BABAM2: variants seen among roughly 807,000 people sequenced by gnomAD.
BABAM2 encodes BRISC and BRCA1-A complex member 2.
In BABAM2, 31 loss-of-function variants were observed where a neutral mutation model predicts 54.7. The observed-to-expected ratio is 0.57, with a 90% CI of 0.43 to 0.77. The LOEUF (loss-of-function observed/expected upper bound fraction) is 0.77, where lower values mean the gene tolerates loss of function less well. BABAM2 is among the 30% of genes least tolerant of loss of function. The pLI is 0.00. For synonymous variants in BABAM2, 167 were observed against 162.9 expected, an observed-to-expected ratio of 1.03 and a Z score of -0.19; for missense variants, 364 against 455.8, an observed-to-expected ratio of 0.80 and a Z score of 1.83.
intron 3 of BABAM2, among the ~76,000 whole-genome samples, chr2:27,949,841 C>G (rs925124351): frequency 1.3e-5 from 2 of 152,110 alleles, no homozygotes; most frequent in African/African-American, 4.8e-5. Flanking sequence ...AATTTGAATT[C>G]TAGTGCTCAT....
intron 7 of BABAM2, among the ~76,000 whole-genome samples, chr2:28,235,719 C>T (rs114733296): frequency 0.012 from 1,840 of 152,222 alleles, 44 homozygotes; most frequent in African/African-American, 0.041. Context: ...TACAGAGGCA[C>T]GATCTCGGCT....
chr2:28,199,337 A>G (rs949213794), intron 7 of BABAM2, among the ~76,000 whole-genome samples: 5 of 152,222 alleles, frequency 3.3e-5, no homozygotes, highest in Non-Finnish European at 5.9e-5. Context: ...TGGCACAGGT[A>G]AGTGCCACCT....
intron 4 of BABAM2, among the ~76,000 whole-genome samples, chr2:28,021,142 G>A (rs1162000864): frequency 6.6e-6 from 1 of 152,154 alleles, no homozygotes; most frequent in Non-Finnish European, 1.5e-5. Flanking sequence ...CTTCTCTTGT[G>A]GGAAATGCTG....
At chr2:28,280,880 G>C (rs896145688) in intron 10 of BABAM2, among the ~76,000 whole-genome samples, 1 of 152,122 alleles carries the variant, frequency 6.6e-6, no homozygotes, top group Non-Finnish European at 1.5e-5. Context: ...AGTAAGGCGG[G>C]GGGGCAGTGA....
At chr2:28,100,797 G>A (rs762911673) in intron 6 of BABAM2, among the ~76,000 whole-genome samples, 8 of 152,160 alleles carry the variant, frequency 5.3e-5, no homozygotes, top group African/African-American at 7.2e-5. Flanking sequence ...TCCATGAGGC[G>A]TAACACTGAA....
chr2:28,310,295 A>T, intron 11 of BABAM2: 2 of 814,288 alleles, frequency 2.5e-6, no homozygotes, highest in Non-Finnish European at 3.8e-6. Context: ...CAGCCTGTGC[A>T]GACCAGGCTG....
intron 11 of BABAM2, among the ~76,000 whole-genome samples, chr2:28,335,359 G>A (rs1273140861): frequency 6.6e-6 from 1 of 151,976 alleles, no homozygotes. Flanking sequence ...TAGTAGAGAC[G>A]GGGTTTCGCC....
chr2:28,168,043 C>T (rs1483927588), intron 7 of BABAM2, among the ~76,000 whole-genome samples: 2 of 152,140 alleles, frequency 1.3e-5, no homozygotes, highest in Non-Finnish European at 2.9e-5. Flanking sequence ...AGAGTTTTCG[C>T]TAATACCTGG....
chr2:28,033,396 A>G (rs1216815483), intron 5 of BABAM2, among the ~76,000 whole-genome samples: 11 of 152,178 alleles, frequency 7.2e-5, no homozygotes, highest in Admixed American at 7.2e-4. Context: ...CAGTTATAGA[A>G]GTTGAGAAGT....
At chr2:28,072,078 TG>T (rs896494407) in intron 6 of BABAM2, among the ~76,000 whole-genome samples, 25 of 152,348 alleles carry the variant, frequency 1.6e-4, no homozygotes, top group African/African-American at 6.0e-4. Context: ...TGGAGTGCAG[TG>T]GCACTATCAT....
chr2:28,021,796 T>C (rs1053069061), intron 4 of BABAM2, among the ~76,000 whole-genome samples: 16 of 152,186 alleles, frequency 1.1e-4, no homozygotes, highest in East Asian at 3.9e-4. Context: ...AAGATTTTTT[T>C]CCCTCCCTTT....
intron 2 of BABAM2, among the ~76,000 whole-genome samples, chr2:27,899,335 G>A (rs990365368): frequency 6.6e-6 from 1 of 152,128 alleles, no homozygotes; most frequent in African/African-American, 2.4e-5. Context: ...AACCAGTTAC[G>A]TTTTTCAGCA....
At chr2:28,186,491 T>C (rs1676294449) in intron 7 of BABAM2, among the ~76,000 whole-genome samples, 2 of 151,902 alleles carry the variant, frequency 1.3e-5, no homozygotes, top group Admixed American at 6.6e-5. Context: ...GAAGGCTGGG[T>C]GTGGTGGCTC....
intron 5 of BABAM2, among the ~76,000 whole-genome samples, chr2:28,037,066 T>A (rs1002177879): frequency 4.6e-5 from 7 of 152,200 alleles, no homozygotes; most frequent in Non-Finnish European, 8.8e-5. Flanking sequence ...TAGTTTTTTT[T>A]AAATTCCTTA....
chr2:28,110,075 G>A (rs1295643371), intron 6 of BABAM2, among the ~76,000 whole-genome samples: 1 of 152,040 alleles, frequency 6.6e-6, no homozygotes, highest in Non-Finnish European at 1.5e-5. Flanking sequence ...CTGTCACTGC[G>A]ATTTTGACTA....
chr2:28,234,531 CTT>C, intron 7 of BABAM2, among the ~76,000 whole-genome samples: 1 of 152,280 alleles, frequency 6.6e-6, no homozygotes, highest in Non-Finnish European at 1.5e-5. Context: ...AAAGACTTCT[CTT>C]GTAATATTTT....
At position 27,988,060 on chromosome 2, in the gene BABAM2, A is replaced by G. The variant is rs1405039554; in HGVS notation, c.273A>G (p.Glu91=). The G allele has an allele frequency of 2.5e-6, 4 of 1,613,530 alleles. No homozygotes were observed. The highest frequency in any genetic ancestry group is 3.4e-6 in the Non-Finnish European group (4 of 1,179,654). ...PPDFIFGEDA[E]FLPDPSALQN... ...ATTTTATCTTTGGAGAAGATGCTGA[A>G]TTCCTGCCAGACCCCTCAGCTTTGC... Residue 91 remains glutamate (E), a synonymous_variant, in exon 4 of 12, where the codon GAA becomes GAG. Coordinates refer to ENST00000379624, the MANE Select transcript of BABAM2 (RefSeq NM_199191.3).
chr2:27,913,274 T>A (rs1666735110), intron 2 of BABAM2, among the ~76,000 whole-genome samples: 1 of 152,204 alleles, frequency 6.6e-6, no homozygotes, highest in Non-Finnish European at 1.5e-5. Context: ...GTACTTTTCT[T>A]ATTATGGATT....
intron 3 of BABAM2, among the ~76,000 whole-genome samples, chr2:27,936,734 T>G: frequency 6.6e-6 from 1 of 150,450 alleles, no homozygotes. Flanking sequence ...CACTCATAGG[T>G]GGGAATTGAA....
Sources: gnomAD v4.1 joint callset for allele counts (sites outside exome capture counted in the v4.1 genomes callset) on GRCh38, gnomAD v4.1.1 for gene constraint, MANE v1.5 for transcripts, NCBI Gene and HGNC (gene_info 2026-07-23, HGNC 2026-07-21) for gene names.